MVB12B: variants seen among roughly 807,000 people sequenced by gnomAD.
MVB12B encodes ESCRT-I complex subunit MVB12B.
In MVB12B, 16 loss-of-function variants were observed where a neutral mutation model predicts 41.6. That is an observed-to-expected ratio of 0.38 (90% CI 0.26 to 0.58). The LOEUF is 0.58. Ranked by LOEUF, MVB12B falls within the 20% of genes least tolerant of loss-of-function variation. The pLI is 0.62. For missense variants in MVB12B, 274 were observed against 380.2 expected (o/e 0.72, Z 2.32); for synonymous variants, 133 against 139.7 (o/e 0.95, Z 0.34).
Position 126,503,459 on chromosome 9 carries a change from G to A in MVB12B, c.*196G>A. 1.7e-6 allele frequency: 1 copy of A among 599,348 alleles called. No individual in the cohort carries two copies. The highest frequency in any genetic ancestry group is 2.0e-5 in the South Asian group (1 of 50,020). 37.1% of individuals were successfully genotyped at this position (599,348 alleles called of 1,614,324 possible). A position where few individuals can be genotyped will look rare whatever the true frequency, so the allele number is the denominator to read the frequency against. On this transcript the variant is annotated 3_prime_UTR_variant, in exon 10 of 10. Transcript: ENST00000361171. The stretch of plus-strand genomic sequence containing the variant: ...CTCACTGACACCCCGGCCTCCCTGG[G>A]GACATTGTTCATAACCATGACTAAT...
chr9:126,421,660 G>T (rs755972423), intron 6 of MVB12B, among the ~76,000 whole-genome samples, 194 bp from the exon 7 acceptor site: 1 of 152,128 alleles, frequency 6.6e-6, no homozygotes, highest in Non-Finnish European at 1.5e-5. Context: ...CTGATGTCTA[G>T]AAACTTCCAA....
At position 126,367,253 on chromosome 9, in the gene MVB12B, C is replaced by G. The variant is rs1830208460; in HGVS notation, c.205-13811C>G. Among the ~76,000 whole-genome samples the G allele has an allele frequency of 6.6e-6, 1 of 152,112 alleles. No individual in the cohort carries two copies. The highest frequency in any genetic ancestry group is 2.1e-4 in the South Asian group (1 of 4,814). On this transcript the variant is annotated intron_variant, in intron 2 of 9. Transcript: ENST00000361171. The surrounding 1 kb of genome is among the most constrained non-coding windows in gnomAD (Gnocchi z 4.3). ...CTGCCCGGGGCTCTCCAGCCACGCT[C>G]CCCCTCTTGCTCCCTAGGATGGGGC... is the stretch of plus-strand genomic sequence containing the variant.
In MVB12B at chr9:126,335,426, C is replaced by A. The variant is rs755382899; in HGVS notation, c.82-5082C>A. On this transcript the variant is annotated intron_variant, in intron 1 of 9. Coordinates refer to ENST00000361171, the MANE Select transcript of MVB12B (RefSeq NM_033446.3). ...TGAGGAGGTAGGTCTCTGCAACTTT[C>A]TGTAAGGAGGTGGCTGGGTTTGTGT... The A allele has an allele frequency of 4.6e-6, 6 of 1,303,264 alleles. No individual in the cohort carries two copies. In the South Asian group the frequency reaches 7.4e-5, roughly 16 times the overall value. The allele number at this position is 1,303,264 out of a possible 1,614,324, so 80.7% of individuals were successfully genotyped here.
At chr9:126,327,320 C>T in intron 1 of MVB12B, 3 of 985,342 alleles carry the variant, frequency 3.0e-6, no homozygotes, top group Non-Finnish European at 3.6e-6. Context: ...AGAGCCACCT[C>T]TGCCCGCGTG....
intron 7 of MVB12B, among the ~76,000 whole-genome samples, chr9:126,435,720 A>T (rs1832457377): frequency 6.6e-6 from 1 of 150,814 alleles, no homozygotes; most frequent in African/African-American, 2.4e-5. Context: ...CGAGCACATC[A>T]TCTGGAAGTC....
Position 126,480,939 on chromosome 9 carries a change from C to T in MVB12B, c.758-430C>T, listed in dbSNP as rs12686564. 837 of 162,446 alleles carry T rather than the reference C, an allele frequency of 5.2e-3. 37 individuals carry two copies. In the East Asian group the frequency reaches 0.12, roughly 23 times the overall value. 10.1% of individuals were successfully genotyped at this position (162,446 alleles called of 1,614,324 possible). On this transcript the variant is annotated intron_variant, in intron 7 of 9. Transcript: ENST00000361171. This position sits in a 1 kb window ranked among gnomAD's most constrained non-coding sequence, Gnocchi z 4.9. Reference sequence around the variant, plus strand: ...ACTTAGTCTTTTCCCCTGAGTCCAACAGCACCTTAGAGCATGTCTAATGCA... The same window carrying T: ...ACTTAGTCTTTTCCCCTGAGTCCAATAGCACCTTAGAGCATGTCTAATGCA...
At chr9:126,451,752 C>T (rs1429423812) in intron 7 of MVB12B, among the ~76,000 whole-genome samples, 3 of 152,144 alleles carry the variant, frequency 2.0e-5, no homozygotes, top group Non-Finnish European at 2.9e-5. Flanking sequence ...CTCATGTCAT[C>T]TGGAGGGGGT....
intron 7 of MVB12B, among the ~76,000 whole-genome samples, chr9:126,425,671 G>T (rs112899516): frequency 2.0e-5 from 3 of 152,316 alleles, no homozygotes; most frequent in African/African-American, 7.2e-5. Context: ...GTTCCTCAGA[G>T]ATCACTGTCT....
chr9:126,400,100 G>T lies in MVB12B; in HGVS notation c.662+4403G>T, dbSNP rs545017374. ...GTCCTGCTCCTGGGGCGTGTGCACT[G>T]CCTCACACCACCAGGCAGAGGTTAC... On this transcript the variant is annotated intron_variant, in intron 6 of 9. Coordinates refer to ENST00000361171, the MANE Select transcript of MVB12B (RefSeq NM_033446.3). Among the ~76,000 whole-genome samples, 138 of 152,340 alleles carry T rather than the reference G, an allele frequency of 9.1e-4. 2 individuals are homozygous for T. Among genetic ancestry groups the T allele is most frequent in the South Asian group, 2.1e-3 (10 of 4,832 alleles).
intron 7 of MVB12B, among the ~76,000 whole-genome samples, chr9:126,472,443 C>G (rs1275609865): frequency 7.4e-6 from 1 of 134,462 alleles, no homozygotes; most frequent in African/African-American, 2.8e-5. Flanking sequence ...CCGAGAATAG[C>G]AAAGACAGGC....
chr9:126,429,651 A>T (rs1832277955), intron 7 of MVB12B, among the ~76,000 whole-genome samples: 1 of 152,246 alleles, frequency 6.6e-6, no homozygotes, highest in Non-Finnish European at 1.5e-5. Context: ...TGCTAATAAT[A>T]AGCTTTAACC....
intron 9 of MVB12B, among the ~76,000 whole-genome samples, chr9:126,489,996 G>GC (rs1833699473): frequency 6.6e-6 from 1 of 152,156 alleles, no homozygotes; most frequent in African/African-American, 2.4e-5. Flanking sequence ...TCCCAGTGAA[G>GC]CCCTTACGGT....
intron 6 of MVB12B, among the ~76,000 whole-genome samples, chr9:126,420,487 G>C (rs192038770): frequency 6.6e-6 from 1 of 151,644 alleles, no homozygotes; most frequent in East Asian, 1.9e-4. Context: ...CCCCTGGAAG[G>C]CTCCTTCCGG....
chr9:126,385,076 A>G (rs1461562529), intron 3 of MVB12B, among the ~76,000 whole-genome samples: 1 of 151,778 alleles, frequency 6.6e-6, no homozygotes, highest in Non-Finnish European at 1.5e-5. Context: ...AACTCAAGCT[A>G]CCCACGCACT....
chr9:126,487,316 G>A (rs749994122), intron 9 of MVB12B, among the ~76,000 whole-genome samples: 16 of 152,258 alleles, frequency 1.1e-4, no homozygotes, highest in Non-Finnish European at 1.8e-4. Context: ...CGTCACCATC[G>A]TTACCGTTCT....
chr9:126,434,168 G>GT (rs1832406660), intron 7 of MVB12B, among the ~76,000 whole-genome samples: 1 of 152,140 alleles, frequency 6.6e-6, no homozygotes, highest in Non-Finnish European at 1.5e-5. Context: ...CACAGTTGGT[G>GT]TTTGTGCCCT....
At chr9:126,491,891 C>A (rs898361555) in intron 9 of MVB12B, among the ~76,000 whole-genome samples, 4 of 152,068 alleles carry the variant, frequency 2.6e-5, no homozygotes, top group African/African-American at 9.7e-5. Context: ...CTGACCACAG[C>A]GCAGGAATCA....
chr9:126,419,014 A>C (rs1831914672), intron 6 of MVB12B, among the ~76,000 whole-genome samples: 2 of 151,982 alleles, frequency 1.3e-5, no homozygotes, highest in African/African-American at 4.8e-5. Flanking sequence ...TTGACCACCC[A>C]ACAGCTCGGC....
At chr9:126,334,016 A>C (rs907734665) in intron 1 of MVB12B, among the ~76,000 whole-genome samples, 33 of 152,194 alleles carry the variant, frequency 2.2e-4, no homozygotes, top group African/African-American at 8.0e-4. Flanking sequence ...GGCCTACTGC[A>C]TCAGTATCTC....
Sources: allele counts gnomAD v4.1 joint callset (sites outside exome capture counted in the v4.1 genomes callset), GRCh38; gene constraint gnomAD v4.1.1; non-coding constraint Gnocchi (gnomAD v3.1); transcripts MANE v1.5; gene names NCBI Gene and HGNC (gene_info 2026-07-23, HGNC 2026-07-21).